Variants in SCN8A observed in about 807,000 individuals in gnomAD.
SCN8A encodes sodium channel protein type 8 subunit alpha.
In SCN8A, 30 loss-of-function variants were observed where a neutral mutation model predicts 184.1. That is an observed-to-expected ratio of 0.16 (90% CI 0.12 to 0.22). The LOEUF is 0.22. SCN8A is among the 10% of genes least tolerant of loss of function. The probability of loss-of-function intolerance (pLI) is 1.00; values close to 1 mark genes in which losing one functional copy is unlikely to be tolerated. For synonymous variants in SCN8A, 852 were observed against 907.0 expected, an observed-to-expected ratio of 0.94 and a Z score of 1.09; for missense variants, 1,057 against 2,498.9, an observed-to-expected ratio of 0.42 and a Z score of 12.30.
intron 22 of SCN8A, among the ~76,000 whole-genome samples, chr12:51,788,341 T>C (rs1227327061): frequency 6.8e-6 from 1 of 146,120 alleles, no homozygotes; most frequent in Non-Finnish European, 1.5e-5. Flanking sequence ...GATTCCTCAG[T>C]GGAATGGAAT....
chr12:51,688,758 G>C (rs912274296), intron 5 of SCN8A: 1 of 1,612,366 alleles, frequency 6.2e-7, no homozygotes. Context: ...GATTCTGCAG[G>C]TATATAACAG....
intron 12 of SCN8A, among the ~76,000 whole-genome samples, chr12:51,737,525 C>T (rs902361841): frequency 2.6e-5 from 4 of 152,182 alleles, no homozygotes; most frequent in Non-Finnish European, 5.9e-5. Context: ...AGGTCGTATC[C>T]AATTAATATC....
At chr12:51,733,976 C>G (rs1942283043) in intron 12 of SCN8A, among the ~76,000 whole-genome samples, 1 of 151,932 alleles carries the variant, frequency 6.6e-6, no homozygotes, top group African/African-American at 2.4e-5. Flanking sequence ...CTTCATTAGT[C>G]TGGCTAAAGG....
chr12:51,686,290 C>T lies in SCN8A; in HGVS notation c.396-78C>T, dbSNP rs1386340174. 19 of 821,222 alleles carry T rather than the reference C, an allele frequency of 2.3e-5. No individual in the cohort carries two copies. In the East Asian group the frequency reaches 4.1e-4, roughly 18 times the overall value. The allele number at this position is 821,222 out of a possible 1,614,324, so 50.9% of individuals were successfully genotyped here. On this transcript the variant is annotated intron_variant, in intron 3 of 26. Transcript: ENST00000627620. ...TCAGGTTATTGATTTAGATCTGATA[C>T]CCAATGGAAATGTGTTTGTTTTTTG...
intron 1 of SCN8A, among the ~76,000 whole-genome samples, chr12:51,610,191 A>AG (rs1314925549): frequency 4.0e-5 from 6 of 149,348 alleles, no homozygotes; most frequent in African/African-American, 7.3e-5. Context: ...AAAAAAAAAA[A>AG]AGGAATAGCT....
At chr12:51,595,993 T>G (rs922027746) in intron 1 of SCN8A, among the ~76,000 whole-genome samples, 1 of 152,124 alleles carries the variant, frequency 6.6e-6, no homozygotes, top group Non-Finnish European at 1.5e-5. Flanking sequence ...CAAACTACAC[T>G]AGAATAGGAC....
At chr12:51,737,455 A>G (rs1942346076) in intron 12 of SCN8A, among the ~76,000 whole-genome samples, 1 of 152,218 alleles carries the variant, frequency 6.6e-6, no homozygotes, top group Non-Finnish European at 1.5e-5. Context: ...TAGTGAGACT[A>G]GGATTTCCTC....
At chr12:51,640,276 A>T (rs1407066905) in intron 1 of SCN8A, among the ~76,000 whole-genome samples, 2 of 131,162 alleles carry the variant, frequency 1.5e-5, no homozygotes, top group African/African-American at 5.9e-5. Context: ...TCCTACACTT[A>T]ATAGACTACA....
chr12:51,743,000 A>G (rs1193119221), intron 12 of SCN8A, among the ~76,000 whole-genome samples: 1 of 152,088 alleles, frequency 6.6e-6, no homozygotes, highest in East Asian at 1.9e-4. Context: ...AGAGACTCTA[A>G]TGCATTGTTT....
chr12:51,789,593 T>C (rs182885936), intron 24 of SCN8A, among the ~76,000 whole-genome samples, 175 bp downstream of exon 24: 128 of 152,318 alleles, frequency 8.4e-4, no homozygotes, highest in African/African-American at 3.0e-3. Context: ...TGTTCGGGGC[T>C]GGATTTTGCA....
rs573759571 is a variant in SCN8A, at chr12:51,606,715, A to G, written c.-55+15356A>G. 3.3e-5 allele frequency among the ~76,000 whole-genome samples: 5 copies of G among 152,194 alleles called. No individual in the cohort carries two copies. In the East Asian group the frequency reaches 7.7e-4, roughly 23 times the overall value. On this transcript the variant is annotated intron_variant, in intron 1 of 26. Transcript: ENST00000627620. ...TTCACAATATTGATTGTACCCATCC[A>G]TGAGCATGGGATGTGTTTCCATTTA...
intron 14 of SCN8A, among the ~76,000 whole-genome samples, chr12:51,754,828 C>T (rs1359934868): frequency 6.6e-6 from 1 of 152,194 alleles, no homozygotes; most frequent in East Asian, 1.9e-4. Context: ...GTAGGAATAT[C>T]AGATAAGTGA....
intron 11 of SCN8A, among the ~76,000 whole-genome samples, chr12:51,711,605 C>T (rs575932517): frequency 3.3e-5 from 5 of 152,292 alleles, no homozygotes; most frequent in African/African-American, 1.2e-4. Flanking sequence ...TTCCTGCACA[C>T]GTACATGATC....
chr12:51,749,730 C>G (rs1942568166), intron 13 of SCN8A, among the ~76,000 whole-genome samples: 1 of 152,062 alleles, frequency 6.6e-6, no homozygotes. Context: ...ACCACCTTGT[C>G]TAAAATAAAG....
intron 1 of SCN8A, among the ~76,000 whole-genome samples, chr12:51,657,916 C>T (rs1387440918): frequency 6.6e-6 from 1 of 152,058 alleles, no homozygotes; most frequent in African/African-American, 2.4e-5. Context: ...TGTCAAAATT[C>T]AGTTGGCTAT....
rs188444619 is a variant in SCN8A, at chr12:51,726,765, C to T, written c.1998+4857C>T. On this transcript the variant is annotated intron_variant, in intron 12 of 26. Coordinates refer to ENST00000627620, the MANE Select transcript of SCN8A (RefSeq NM_001330260.2). ...GCCAATTTTCATTCCTTTTCTTACACATTTTTGGCCCTGATAGCTCTGAGA... is the reference window on the plus strand; with the variant it reads ...GCCAATTTTCATTCCTTTTCTTACATATTTTTGGCCCTGATAGCTCTGAGA... Among the ~76,000 whole-genome samples, 17 of 152,296 alleles carry T rather than the reference C, an allele frequency of 1.1e-4. No homozygotes were observed. The East Asian group carries it at 3.1e-3, about 28-fold the overall frequency.
intron 11 of SCN8A, chr12:51,712,529 C>T: frequency 1.3e-6 from 1 of 774,532 alleles, no homozygotes; most frequent in South Asian, 1.3e-5. Flanking sequence ...ATAGGGACTG[C>T]CCGAGCTTCT....
intron 14 of SCN8A, among the ~76,000 whole-genome samples, chr12:51,758,978 A>ATG (rs1245709874): frequency 6.8e-6 from 1 of 146,254 alleles, no homozygotes; most frequent in African/African-American, 2.7e-5. Context: ...ACATGTATGT[A>ATG]TGTATATGTG....
intron 15 of SCN8A, among the ~76,000 whole-genome samples, chr12:51,765,275 G>C (rs1942820977): frequency 6.6e-6 from 1 of 151,608 alleles, no homozygotes; most frequent in Non-Finnish European, 1.5e-5. Context: ...TTTTTAAACT[G>C]TCCTTCCCAT....
Sources: gnomAD v4.1 joint callset for allele counts (sites outside exome capture counted in the v4.1 genomes callset) on GRCh38, gnomAD v4.1.1 for gene constraint, MANE v1.5 for transcripts, NCBI Gene and HGNC (gene_info 2026-07-23, HGNC 2026-07-21) for gene names.